The following MBNL1 variants were observed in gnomAD, a reference collection of about 807,000 sequenced individuals.
The protein encoded by MBNL1 is muscleblind like splicing regulator 1.
In MBNL1, 8 loss-of-function variants were observed where a neutral mutation model predicts 42.2. The observed-to-expected ratio is 0.19, with a 90% confidence interval of 0.11 to 0.34. MBNL1 has a LOEUF of 0.34. Among genes scored for constraint, MBNL1 ranks in the 10% least tolerant of loss-of-function variants. The pLI is 1.00. For missense variants in MBNL1, 309 were observed against 495.3 expected (o/e 0.62, Z 3.57); for synonymous variants, 169 against 173.9 (o/e 0.97, Z 0.22).
intron 2 of MBNL1, among the ~76,000 whole-genome samples, chr3:152,324,198 G>T (rs115041950): frequency 6.6e-6 from 1 of 152,254 alleles, no homozygotes; most frequent in Non-Finnish European, 1.5e-5. Flanking sequence ...CATAGAAAAT[G>T]TATGTTACCT....
chr3:152,426,341 TTAAAG>T (rs1195458471), intron 3 of MBNL1, among the ~76,000 whole-genome samples: 2 of 152,282 alleles, frequency 1.3e-5, no homozygotes, highest in East Asian at 3.9e-4. Context: ...ATCCCAGAAT[TTAAAG>T]TATAATAAAA....
intron 2 of MBNL1, among the ~76,000 whole-genome samples, chr3:152,352,615 T>C (rs6440800): frequency 0.12 from 18,107 of 152,166 alleles, 1,237 homozygotes; most frequent in Middle Eastern, 0.18. Context: ...TGTTGTTGTT[T>C]TTAAACTTAC....
At chr3:152,381,549 G>A (rs368475708) in intron 2 of MBNL1, among the ~76,000 whole-genome samples, 25 of 151,780 alleles carry the variant, frequency 1.6e-4, no homozygotes, top group Middle Eastern at 3.4e-3. Flanking sequence ...TGTCTGTGTC[G>A]TTTCCTGGAA....
intron 2 of MBNL1, among the ~76,000 whole-genome samples, chr3:152,335,801 T>C (rs1348327309): frequency 6.6e-6 from 1 of 152,186 alleles, no homozygotes; most frequent in African/African-American, 2.4e-5. Context: ...TATTCTGTGG[T>C]TAATAGGTAT....
intron 2 of MBNL1, among the ~76,000 whole-genome samples, chr3:152,320,707 T>C (rs2152395021): frequency 6.6e-6 from 1 of 151,566 alleles, no homozygotes; most frequent in Admixed American, 6.6e-5. Context: ...TTAATCTTTT[T>C]TGACTCTACC....
chr3:152,250,518 A>G (rs368798713), intron 2 of MBNL1, among the ~76,000 whole-genome samples: 5 of 152,000 alleles, frequency 3.3e-5, no homozygotes, highest in African/African-American at 7.3e-5. Flanking sequence ...GGAGATTTTG[A>G]GCTGAGACAA....
intron 2 of MBNL1, among the ~76,000 whole-genome samples, chr3:152,375,597 T>A (rs1344318139): frequency 6.6e-6 from 1 of 152,106 alleles, no homozygotes; most frequent in Non-Finnish European, 1.5e-5. Flanking sequence ...CTTCACATGT[T>A]TGGTAAAAAT....
chr3:152,290,311 A>T (rs1455620597), intron 1 of MBNL1, among the ~76,000 whole-genome samples: 5 of 152,036 alleles, frequency 3.3e-5, no homozygotes, highest in Admixed American at 2.0e-4. Context: ...GTTTTTTTTT[A>T]AATTATATCT....
At chr3:152,403,756 G>C (rs1204471589) in intron 2 of MBNL1, among the ~76,000 whole-genome samples, 1 of 151,964 alleles carries the variant, frequency 6.6e-6, no homozygotes, top group Non-Finnish European at 1.5e-5. Context: ...TGCTTATGCT[G>C]TTGCAGTCCA....
intron 2 of MBNL1, among the ~76,000 whole-genome samples, chr3:152,326,321 G>A (rs1009108717): frequency 2.6e-5 from 4 of 152,058 alleles, no homozygotes; most frequent in African/African-American, 9.7e-5. Flanking sequence ...TATTTGGGGG[G>A]AACATTTCCT....
Position 152,465,295 on chromosome 3 carries a change from C to T in MBNL1, c.*2929C>T, listed in dbSNP as rs939460739. 1.3e-5 allele frequency: 2 copies of T among 152,220 alleles called. No homozygotes were observed. The highest frequency in any genetic ancestry group is 2.9e-5 in the Non-Finnish European group (2 of 68,012). 9.4% of individuals were successfully genotyped at this position (152,220 alleles called of 1,614,324 possible). ...GGTTTATTGTTCACAAAAAAATCTTCAAAACAAGTATTGACTTTCACAAAA... is the reference window on the plus strand; with the variant it reads ...GGTTTATTGTTCACAAAAAAATCTTTAAAACAAGTATTGACTTTCACAAAA... On this transcript the variant is annotated 3_prime_UTR_variant, in exon 10 of 10. Coordinates refer to ENST00000324210, the MANE Select transcript of MBNL1 (RefSeq NM_021038.5).
upstream of MBNL1, chr3:152,267,971 G>A (rs1180361479): frequency 6.6e-6 from 1 of 152,088 alleles, no homozygotes; most frequent in Non-Finnish European, 1.5e-5. Flanking sequence ...AGGAAATCCT[G>A]CCCCCAGTCT....
intron 1 of MBNL1, among the ~76,000 whole-genome samples, chr3:152,295,371 C>A (rs2058122227): frequency 6.6e-6 from 1 of 152,138 alleles, no homozygotes; most frequent in South Asian, 2.1e-4. Flanking sequence ...GACTACCAAG[C>A]AATGCAGATA....
intron 1 of MBNL1, among the ~76,000 whole-genome samples, chr3:152,295,732 A>G (rs2058273848): frequency 6.6e-6 from 1 of 152,172 alleles, no homozygotes; most frequent in Admixed American, 6.5e-5. Flanking sequence ...AATTTAAACA[A>G]GGAGAAGGAA....
chr3:152,319,753 T>C (rs1462028549), intron 2 of MBNL1, among the ~76,000 whole-genome samples: 1 of 151,030 alleles, frequency 6.6e-6, no homozygotes, highest in Non-Finnish European at 1.5e-5. Flanking sequence ...TATACAATGC[T>C]CAACATTTAA....
intron 2 of MBNL1, among the ~76,000 whole-genome samples, chr3:152,390,613 GCACACA>G (rs3220073): frequency 1.7e-4 from 25 of 147,248 alleles, no homozygotes; most frequent in South Asian, 1.3e-3. Flanking sequence ...GTATTGTTAT[GCACACA>G]CACACACACA....
chr3:152,340,992 G>A (rs2093049418), intron 2 of MBNL1: 8 of 1,439,458 alleles, frequency 5.6e-6, no homozygotes, highest in Non-Finnish European at 7.4e-6. Context: ...ATTGATGAGG[G>A]GACACAAACT....
intron 2 of MBNL1, among the ~76,000 whole-genome samples, chr3:152,368,423 A>G (rs962252072): frequency 3.3e-5 from 5 of 152,134 alleles, no homozygotes; most frequent in Non-Finnish European, 7.4e-5. Flanking sequence ...GCCTTGTAGT[A>G]CAGTTTGAAG....
intron 2 of MBNL1, among the ~76,000 whole-genome samples, chr3:152,378,573 T>C (rs2097026695): frequency 1.3e-5 from 2 of 152,192 alleles, no homozygotes; most frequent in African/African-American, 4.8e-5. Context: ...AATGTACTTA[T>C]ATCATTACTT....
Sources: allele counts gnomAD v4.1 joint callset (sites outside exome capture counted in the v4.1 genomes callset), GRCh38; gene constraint gnomAD v4.1.1; transcripts MANE v1.5; gene names NCBI Gene and HGNC (gene_info 2026-07-23, HGNC 2026-07-21).